Variants in ZBTB6 observed in about 807,000 individuals in gnomAD.
The protein encoded by ZBTB6 is zinc finger and BTB domain-containing protein 6.
Under a neutral mutation model 30.6 loss-of-function variants are expected in ZBTB6, and 11 were observed. That is an observed-to-expected ratio of 0.36 (90% confidence interval 0.23 to 0.60). The LOEUF (loss-of-function observed/expected upper bound fraction) is 0.60, where lower values mean the gene tolerates loss of function less well. Among genes scored for constraint, ZBTB6 ranks in the 20% least tolerant of loss-of-function variants. The pLI is 0.75. For synonymous variants in ZBTB6, 174 were observed against 172.0 expected (o/e 1.01, Z -0.09); for missense variants, 380 against 489.4 (o/e 0.78, Z 2.11).
rs978388902 is a variant in ZBTB6 at position 122,908,139 on chromosome 9, T to C, written c.*2659A>G. ...AGGAAAAAGGGCAAGTGTTTTTCTC[T>C]GACAACGAAGTAACAACTACCTTTT... On this transcript the variant is annotated 3_prime_UTR_variant, in exon 2 of 2. Coordinates refer to ENST00000373659, the MANE Select transcript of ZBTB6 (RefSeq NM_006626.6). The C allele has an allele frequency of 6.6e-6, 1 of 152,246 alleles. No homozygotes were observed. Among genetic ancestry groups the C allele is most frequent in the Non-Finnish European group, 1.5e-5 (1 of 68,028 alleles). 9.4% of individuals were successfully genotyped at this position (152,246 alleles called of 1,614,324 possible). A position where few individuals can be genotyped will look rare whatever the true frequency, so the allele number is the denominator to read the frequency against.
Position 122,910,550 on chromosome 9 carries a change from C to T in ZBTB6, c.*248G>A. The T allele has an allele frequency of 2.6e-6, 1 of 390,220 alleles. No homozygotes were observed. Among genetic ancestry groups the T allele is most frequent in the Non-Finnish European group, 4.6e-6 (1 of 216,418 alleles). The allele number at this position is 390,220 out of a possible 1,614,324, so 24.2% of individuals were successfully genotyped here. On this transcript the variant is annotated 3_prime_UTR_variant, in exon 2 of 2. Transcript: ENST00000373659. The stretch of plus-strand genomic sequence containing the variant: ...GAATCAAGAATATATAAGAGAGGAA[C>T]ACTATTTCTCTAGGGATACTACTGA...
At position 122,912,181 on chromosome 9, in the gene ZBTB6, GGAA is replaced by G. The variant is rs369423586; in HGVS notation, c.-9-103_-9-101del. On this transcript the variant is annotated intron_variant, in intron 1 of 1. Coordinates refer to ENST00000373659, the MANE Select transcript of ZBTB6 (RefSeq NM_006626.6). ...AACGAAAAACCCCAAACCTGAATTA[GGAA>G]GAAGAAGACTCAAAGTCTAATGTAG... The G allele has an allele frequency of 1.9e-4, 230 of 1,198,770 alleles. 2 individuals carry two copies. Among genetic ancestry groups the G allele is most frequent in the Admixed American group, 4.2e-4 (16 of 38,430 alleles). 74.3% of individuals were successfully genotyped at this position (1,198,770 alleles called of 1,614,324 possible).
In ZBTB6 at chr9:122,911,842, A is replaced by C. The variant is rs774885539; in HGVS notation, c.231T>G (p.Ser77Arg). ...GTAACAATTTTCTGCCAACTTCTGC[A>C]CTCTGTAAGATGGTGATTCTGACAT... Reference protein sequence around the residue: ...SKHVRITILQSAEVGRKLLLS... With the variant: ...SKHVRITILQRAEVGRKLLLS... Residue 77 changes from serine to arginine, a missense_variant, in exon 2 of 2, where the codon AGT (serine) becomes AGG (arginine). Physicochemically the swap from Ser to Arg is moderately radical, Grantham distance 110. Coordinates refer to ENST00000373659, the MANE Select transcript of ZBTB6 (RefSeq NM_006626.6). This position sits in a 1 kb window ranked among gnomAD's most constrained non-coding sequence, Gnocchi z 4.5. 1 of 1,614,072 alleles carries C rather than the reference A, an allele frequency of 6.2e-7. No homozygotes were observed. The highest frequency in any genetic ancestry group is 8.5e-7 in the Non-Finnish European group (1 of 1,180,046).
At position 122,909,270 on chromosome 9, in the gene ZBTB6, A is replaced by T. The variant is rs1458340768; in HGVS notation, c.*1528T>A. 1.3e-5 allele frequency: 2 copies of T among 152,366 alleles called. No individual in the cohort carries two copies. Among genetic ancestry groups the T allele is most frequent in the Non-Finnish European group, 1.5e-5 (1 of 68,030 alleles). The allele number at this position is 152,366 out of a possible 1,614,324, so 9.4% of individuals were successfully genotyped here. ...TCAATAGAAATTAAATACAGTAGAA[A>T]TTCTACATAAAGCTAAGTTAACTAG... On this transcript the variant is annotated 3_prime_UTR_variant, in exon 2 of 2. Coordinates refer to ENST00000373659, the MANE Select transcript of ZBTB6 (RefSeq NM_006626.6).
At position 122,909,023 on chromosome 9, in the gene ZBTB6, A is replaced by G. The variant is rs1218971432; in HGVS notation, c.*1775T>C. Reference sequence around the variant, plus strand: ...AAAGTTCAAGGAGAAATTCAGCACAATGTCGCTAACTAGTAACATTGGGTT... The same window carrying G: ...AAAGTTCAAGGAGAAATTCAGCACAGTGTCGCTAACTAGTAACATTGGGTT... On this transcript the variant is annotated 3_prime_UTR_variant, in exon 2 of 2. Coordinates refer to ENST00000373659, the MANE Select transcript of ZBTB6 (RefSeq NM_006626.6). 1 of 152,212 alleles carries G rather than the reference A, an allele frequency of 6.6e-6. No individual in the cohort carries two copies. The highest frequency in any genetic ancestry group is 1.9e-4 in the East Asian group (1 of 5,202). The allele number at this position is 152,212 out of a possible 1,614,324, so 9.4% of individuals were successfully genotyped here.
chr9:122,912,720 C>G (rs535003199), intron 1 of ZBTB6, among the ~76,000 whole-genome samples: 5 of 152,318 alleles, frequency 3.3e-5, no homozygotes, highest in African/African-American at 1.2e-4. Flanking sequence ...GAATACGAGA[C>G]CCATCACGAT....
chr9:122,908,351 A>G lies in ZBTB6; in HGVS notation c.*2447T>C, dbSNP rs1832922221. On this transcript the variant is annotated 3_prime_UTR_variant, in exon 2 of 2. Transcript: ENST00000373659. Reference sequence around the variant, plus strand: ...AAATTTTTAGACATATCATGCAAACAGACACTCTCCTAGGAATGTTTGGAG... The same window carrying G: ...AAATTTTTAGACATATCATGCAAACGGACACTCTCCTAGGAATGTTTGGAG... 1 of 152,596 alleles carries G rather than the reference A, an allele frequency of 6.6e-6. No individual in the cohort carries two copies. Among genetic ancestry groups the G allele is most frequent in the Non-Finnish European group, 1.5e-5 (1 of 68,024 alleles). The allele number at this position is 152,596 out of a possible 1,614,324, so 9.5% of individuals were successfully genotyped here.
chr9:122,912,103 C>G, intron 1 of ZBTB6, 22 bp from the exon 2 acceptor site: 3 of 1,581,606 alleles, frequency 1.9e-6, no homozygotes, highest in Non-Finnish European at 2.6e-6. Context: ...AAAACACAAA[C>G]ATTGATGTAA....
In ZBTB6 at chr9:122,910,907, A is replaced by G. The variant is rs777428956; in HGVS notation, c.1166T>C (p.Met389Thr). ...GAGAGCAGACTTGTGCTTGAAATCC[A>G]TATCACAACAGTGGCATTTGTATGG... ...DRPYKCHCCD[M>T]DFKHKSALKK... The change falls in exon 2 of 2, where the codon ATG becomes ACG. Residue 389 changes from methionine to threonine, a missense_variant. Coordinates refer to ENST00000373659, the MANE Select transcript of ZBTB6 (RefSeq NM_006626.6). The G allele has an allele frequency of 2.5e-5, 40 of 1,614,058 alleles. No homozygotes were observed. Among genetic ancestry groups the G allele is most frequent in the Non-Finnish European group, 3.0e-5 (35 of 1,180,020 alleles).
In ZBTB6 at chr9:122,911,813, G is replaced by C; in HGVS notation, c.260C>G (p.Ser87Cys). ...SAEVGRKLLL[S>C]CYTGALEVKR... The stretch of plus-strand genomic sequence containing the variant: ...AACTTCAAGTGCTCCAGTATAGCAA[G>C]ACAGTAACAATTTTCTGCCAACTTC... Residue 87 changes from serine (S) to cysteine (C), a missense_variant, in exon 2 of 2, where the codon TCT (serine) becomes TGT (cysteine). Transcript: ENST00000373659. The surrounding 1 kb of genome is among the most constrained non-coding windows in gnomAD (Gnocchi z 4.5). 6.2e-7 allele frequency: 1 copy of C among 1,614,184 alleles called. No homozygotes were observed. The highest frequency in any genetic ancestry group is 1.3e-5 in the African/African-American group (1 of 75,040).
intron 1 of ZBTB6, among the ~76,000 whole-genome samples, chr9:122,912,994 C>G (rs535230857): frequency 1.3e-5 from 2 of 152,336 alleles, no homozygotes; most frequent in African/African-American, 4.8e-5. Context: ...GTGCCTGATG[C>G]ATCTGTGTTC....
chr9:122,911,172 G>A lies in ZBTB6; in HGVS notation c.901C>T (p.His301Tyr), dbSNP rs1188250769. ...QNLEEGYSLR[H>Y]QCPRCPRGFL... The stretch of plus-strand genomic sequence containing the variant: ...CCTCGAGGACACCTGGGGCACTGGT[G>A]CCTCAGTGAATAACCTTCCTCCAGA... The change falls in exon 2 of 2, where the codon CAC (histidine) becomes TAC (tyrosine). Residue 301 changes from histidine (H) to tyrosine (Y), a missense_variant. Transcript: ENST00000373659. This position sits in a 1 kb window ranked among gnomAD's most constrained non-coding sequence, Gnocchi z 4.5. 2 of 1,614,200 alleles carry A rather than the reference G, an allele frequency of 1.2e-6. No individual in the cohort carries two copies. The highest frequency in any genetic ancestry group is 3.3e-5 in the Admixed American group (2 of 60,026).
Position 122,908,611 on chromosome 9 carries a change from T to A in ZBTB6, c.*2187A>T, listed in dbSNP as rs1188666821. The A allele has an allele frequency of 6.6e-6, 1 of 152,404 alleles. No individual in the cohort carries two copies. The highest frequency in any genetic ancestry group is 2.4e-5 in the African/African-American group (1 of 41,422). The allele number at this position is 152,404 out of a possible 1,614,324, so 9.4% of individuals were successfully genotyped here. ...TATTCTTTTACCCTCTCCTCCCATC[T>A]CCATCCTTCCCCCTTCCCCCCACGC... On this transcript the variant is annotated 3_prime_UTR_variant, in exon 2 of 2. Coordinates refer to ENST00000373659, the MANE Select transcript of ZBTB6 (RefSeq NM_006626.6).
In ZBTB6 at chr9:122,909,348, G is replaced by A. The variant is rs866865264; in HGVS notation, c.*1450C>T. The A allele has an allele frequency of 7.9e-5, 12 of 152,194 alleles. No homozygotes were observed. The highest frequency in any genetic ancestry group is 6.2e-4 in the South Asian group (3 of 4,828). 9.4% of individuals were successfully genotyped at this position (152,194 alleles called of 1,614,324 possible). On this transcript the variant is annotated 3_prime_UTR_variant, in exon 2 of 2. Transcript: ENST00000373659. ...GATGCATCTAGTCAGTCTTCTTTAC[G>A]AAAAGCAGTTCCTGTGTTTTAGAGA...
At position 122,910,956 on chromosome 9, in the gene ZBTB6, A is replaced by G; in HGVS notation, c.1117T>C (p.Leu373=). The change falls in exon 2 of 2, where the codon TTG becomes CTG. Residue 373 remains leucine (L), a synonymous_variant. Coordinates refer to ENST00000373659, the MANE Select transcript of ZBTB6 (RefSeq NM_006626.6). ...FTAKSTLQDH[L]NIHSGDRPYK... ...GGCCGATCCCCACTGTGTATGTTCA[A>G]GTGGTCCTGAAGTGTGCTTTTGGCA... 1 of 1,614,238 alleles carries G rather than the reference A, an allele frequency of 6.2e-7. No individual in the cohort carries two copies. Among genetic ancestry groups the G allele is most frequent in the Non-Finnish European group, 8.5e-7 (1 of 1,180,036 alleles).
At position 122,912,068 on chromosome 9, in the gene ZBTB6, G is replaced by A; in HGVS notation, c.5C>T (p.Ala2Val). Residue 2 changes from alanine (A) to valine (V), a missense_variant, in exon 2 of 2, where the codon GCT becomes GTT. Coordinates refer to ENST00000373659, the MANE Select transcript of ZBTB6 (RefSeq NM_006626.6). ...GAAATGCAGAACATCAGACTCAGCAGCCATGATCACAATCTAAGCAAAATA... is the reference window on the plus strand; with the variant it reads ...GAAATGCAGAACATCAGACTCAGCAACCATGATCACAATCTAAGCAAAATA... M[A>V]AESDVLHFQF... The A allele has an allele frequency of 6.2e-7, 1 of 1,608,894 alleles. No homozygotes were observed. The highest frequency in any genetic ancestry group is 8.5e-7 in the Non-Finnish European group (1 of 1,177,026).
intron 1 of ZBTB6, among the ~76,000 whole-genome samples, chr9:122,912,579 T>G (rs1387851044): frequency 6.6e-6 from 1 of 152,200 alleles, no homozygotes; most frequent in Non-Finnish European, 1.5e-5. Flanking sequence ...CTCTTCTGTA[T>G]GCCAGATTAC....
In ZBTB6 at chr9:122,911,198, T is replaced by C. The variant is rs1390925092; in HGVS notation, c.875A>G (p.Asn292Ser). 6.2e-7 allele frequency: 1 copy of C among 1,614,218 alleles called. No individual in the cohort carries two copies. Among genetic ancestry groups the C allele is most frequent in the South Asian group, 1.1e-5 (1 of 91,088 alleles). Residue 292 changes from asparagine to serine, a missense_variant, in exon 2 of 2, where the codon AAT becomes AGT. Coordinates refer to ENST00000373659, the MANE Select transcript of ZBTB6 (RefSeq NM_006626.6). The surrounding 1 kb of genome is among the most constrained non-coding windows in gnomAD (Gnocchi z 4.5). ...CCTCAGTGAATAACCTTCCTCCAGA[T>C]TCTGAATCTCACTCACTGTACCATA... ...GSYGTVSEIQ[N>S]LEEGYSLRHQ...
chr9:122,910,888 A>G lies in ZBTB6; in HGVS notation c.1185T>C (p.Ser395=). The change falls in exon 2 of 2, where the codon TCT becomes TCC. Residue 395 remains serine, a synonymous_variant. Transcript: ENST00000373659. ...HCCDMDFKHK[S]ALKKHLTSVH... is the part of the protein sequence containing the mutation. ...CAGAGGTTAAGTGCTTTTTGAGAGCAGACTTGTGCTTGAAATCCATATCAC... is the reference window on the plus strand; with the variant it reads ...CAGAGGTTAAGTGCTTTTTGAGAGCGGACTTGTGCTTGAAATCCATATCAC... 6.2e-7 allele frequency: 1 copy of G among 1,614,196 alleles called. No individual in the cohort carries two copies. The highest frequency in any genetic ancestry group is 8.5e-7 in the Non-Finnish European group (1 of 1,180,028).
Sources: gnomAD v4.1 joint callset for allele counts (sites outside exome capture counted in the v4.1 genomes callset) on GRCh38, gnomAD v4.1.1 for gene constraint, Gnocchi (gnomAD v3.1) non-coding constraint, MANE v1.5 for transcripts, NCBI Gene and HGNC (gene_info 2026-07-23, HGNC 2026-07-21) for gene names.